Variants in LINGO2 observed in about 807,000 individuals in gnomAD.
LINGO2 encodes the protein leucine rich repeat and Ig domain containing 2.
Under a neutral mutation model 30.6 loss-of-function variants are expected in LINGO2, and 14 were observed. The ratio of observed to expected loss-of-function variants is 0.46; its 90% confidence interval spans 0.30 to 0.72. The LOEUF is 0.72. Among genes scored for constraint, LINGO2 ranks in the 30% least tolerant of loss-of-function variants. The pLI, the probability that LINGO2 is intolerant of heterozygous loss-of-function variation, is 0.07. For missense variants in LINGO2, 729 were observed against 751.7 expected, an observed-to-expected ratio of 0.97 and a Z score of 0.35; for synonymous variants, 317 against 288.5, an observed-to-expected ratio of 1.10 and a Z score of -1.00.
chr9:28,200,588 G>A (rs185181529), intron 4 of LINGO2, among the ~76,000 whole-genome samples: 1 of 152,246 alleles, frequency 6.6e-6, no homozygotes, highest in East Asian at 1.9e-4. Flanking sequence ...AGGACATACT[G>A]GCTGCAAAGG....
chr9:29,049,829 GATGGTTAATGAGTACAAAAAAC>G, the LINGO2 span, among the ~76,000 whole-genome samples: 2 of 152,058 alleles, frequency 1.3e-5, no homozygotes, highest in Non-Finnish European at 2.9e-5. Flanking sequence ...GAGAGGTGAG[GATGGTTAATGAGTACAAAAAAC>G]ATAGAAAGAA....
intron 5 of LINGO2, among the ~76,000 whole-genome samples, chr9:27,984,262 A>G (rs1255338738): frequency 6.6e-6 from 1 of 151,858 alleles, no homozygotes; most frequent in Non-Finnish European, 1.5e-5. Context: ...TATGAGCCTT[A>G]CAACAACCAT....
chr9:29,016,061 C>T, the LINGO2 span, among the ~76,000 whole-genome samples: 1 of 152,134 alleles, frequency 6.6e-6, no homozygotes, highest in Admixed American at 6.6e-5. Context: ...GTATTCATTT[C>T]AGTAAGTCTT....
intron 3 of LINGO2, among the ~76,000 whole-genome samples, chr9:28,358,724 G>T (rs909927156): frequency 1.3e-5 from 2 of 152,114 alleles, no homozygotes; most frequent in African/African-American, 4.8e-5. Flanking sequence ...CAGACCACAG[G>T]GTTGACGTGA....
the LINGO2 span, among the ~76,000 whole-genome samples, chr9:28,680,187 A>T: frequency 2.6e-5 from 4 of 151,892 alleles, no homozygotes; most frequent in East Asian, 7.7e-4. Flanking sequence ...ATTTTTTTAG[A>T]TTTCACATAT....
rs181377263 is a variant in LINGO2 at position 28,191,324 on chromosome 9, C to A, written c.-87+103884G>T. On this transcript the variant is annotated intron_variant, in intron 4 of 5. Coordinates refer to ENST00000379992, the Ensembl canonical transcript of LINGO2. ...AAAACTGTTTCATCATATATAGTAT[C>A]TATAGTTCATAGAGGTAAAGTATAG... 3.6e-3 allele frequency among the ~76,000 whole-genome samples: 545 copies of A among 152,268 alleles called. 3 individuals carry two copies. The highest frequency in any genetic ancestry group is 0.012 in the African/African-American group (517 of 41,536).
the LINGO2 span, among the ~76,000 whole-genome samples, chr9:28,963,245 G>A: frequency 6.6e-6 from 1 of 151,866 alleles, no homozygotes; most frequent in South Asian, 2.1e-4. Context: ...ATCACTATAA[G>A]TATTTAGCAT....
At chr9:29,204,207 G>C in the LINGO2 span, among the ~76,000 whole-genome samples, 1 of 152,204 alleles carries the variant, frequency 6.6e-6, no homozygotes, top group Non-Finnish European at 1.5e-5. Context: ...AAATAGGAAA[G>C]ATGAATGATT....
the LINGO2 span, among the ~76,000 whole-genome samples, chr9:28,830,137 C>T: frequency 1.3e-5 from 2 of 152,132 alleles, no homozygotes; most frequent in African/African-American, 2.4e-5. Flanking sequence ...TGACAAATTT[C>T]GTCTGGAATA....
intron 1 of LINGO2, among the ~76,000 whole-genome samples, chr9:28,646,254 A>G (rs1161912588): frequency 6.6e-6 from 1 of 152,092 alleles, no homozygotes; most frequent in African/African-American, 2.4e-5. Context: ...CTCTCCACCT[A>G]CATCATCCAG....
chr9:29,017,073 A>C, the LINGO2 span, among the ~76,000 whole-genome samples: 2 of 152,178 alleles, frequency 1.3e-5, no homozygotes, highest in African/African-American at 4.8e-5. Flanking sequence ...GATTCAAAAC[A>C]TGTACATTTT....
intron 4 of LINGO2, among the ~76,000 whole-genome samples, chr9:28,257,635 G>A (rs1404468815): frequency 6.6e-6 from 1 of 151,786 alleles, no homozygotes; most frequent in African/African-American, 2.4e-5. Flanking sequence ...TATACTTGAA[G>A]CTACCTTGAT....
At chr9:29,028,754 T>C in the LINGO2 span, among the ~76,000 whole-genome samples, 13 of 152,266 alleles carry the variant, frequency 8.5e-5, no homozygotes, top group African/African-American at 2.6e-4. Flanking sequence ...AATTACTCTC[T>C]CTGCCCCAGC....
chr9:28,402,755 C>G (rs1254721331), intron 2 of LINGO2, among the ~76,000 whole-genome samples: 4 of 152,134 alleles, frequency 2.6e-5, no homozygotes, highest in Non-Finnish European at 4.4e-5. Context: ...CTTTCCCCCA[C>G]TATATCCCAG....
At chr9:28,995,041 C>T in the LINGO2 span, among the ~76,000 whole-genome samples, 4 of 151,848 alleles carry the variant, frequency 2.6e-5, no homozygotes, top group African/African-American at 9.7e-5. Flanking sequence ...AACTAAAGAG[C>T]TTCTGCACAG....
At chr9:28,758,330 A>G in the LINGO2 span, among the ~76,000 whole-genome samples, 42 of 152,086 alleles carry the variant, frequency 2.8e-4, no homozygotes, top group Non-Finnish European at 5.6e-4. Flanking sequence ...GCCACAGTCA[A>G]AGCAGAATGT....
chr9:28,609,615 A>C (rs1180659082), intron 1 of LINGO2, among the ~76,000 whole-genome samples: 1 of 152,096 alleles, frequency 6.6e-6, no homozygotes, highest in Non-Finnish European at 1.5e-5. Context: ...GAGATCAGAT[A>C]ATGTCTTACT....
the LINGO2 span, among the ~76,000 whole-genome samples, chr9:28,902,821 T>C: frequency 6.6e-6 from 1 of 151,896 alleles, no homozygotes; most frequent in African/African-American, 2.4e-5. Context: ...ATTAAAAATA[T>C]CCTGAGACAA....
chr9:28,999,455 C>CT, the LINGO2 span, among the ~76,000 whole-genome samples: 5 of 151,910 alleles, frequency 3.3e-5, no homozygotes, highest in Admixed American at 1.3e-4. Context: ...CTGTATATAT[C>CT]TTTTTTTTCT....
Sources: gnomAD v4.1 joint callset for allele counts (sites outside exome capture counted in the v4.1 genomes callset) on GRCh38, gnomAD v4.1.1 for gene constraint, MANE v1.5 for transcripts, NCBI Gene and HGNC (gene_info 2026-07-23, HGNC 2026-07-21) for gene names.